ARHGAP6: variants seen among roughly 807,000 people sequenced by gnomAD.
The protein encoded by ARHGAP6 is rho GTPase-activating protein 6.
Under a neutral mutation model 55.7 loss-of-function variants are expected in ARHGAP6, and 16 were observed. That is an observed-to-expected ratio of 0.29 (90% CI 0.19 to 0.44). ARHGAP6 has a LOEUF of 0.44. Among genes scored for constraint, ARHGAP6 ranks in the 20% least tolerant of loss-of-function variants. The probability of loss-of-function intolerance (pLI) is 1.00; values close to 1 mark genes in which losing one functional copy is unlikely to be tolerated. For synonymous variants in ARHGAP6, 382 were observed against 360.9 expected (o/e 1.06, Z -0.66); for missense variants, 698 against 808.9 (o/e 0.86, Z 1.66).
intron 1 of ARHGAP6, among the ~76,000 whole-genome samples, chrX:11,442,987 T>C (rs2050055203): frequency 8.9e-6 from 1 of 111,938 alleles, no homozygotes; most frequent in African/African-American, 3.3e-5. Context: ...TGAAATACAA[T>C]ATATAAGCAG....
intron 1 of ARHGAP6, among the ~76,000 whole-genome samples, chrX:11,599,373 T>C (rs183536996): frequency 4.6e-4 from 52 of 112,031 alleles, no homozygotes; most frequent in African/African-American, 1.6e-3. Flanking sequence ...AATGTGATGT[T>C]TTAGTGCATG....
At chrX:11,434,913 C>A (rs2049973156) in intron 1 of ARHGAP6, among the ~76,000 whole-genome samples, 1 of 112,068 alleles carries the variant, frequency 8.9e-6, no homozygotes, top group Non-Finnish European at 1.9e-5. Context: ...GCAGGGCCTT[C>A]TTTGCCTTGC....
chrX:11,372,280 A>G (rs2049151472), intron 1 of ARHGAP6, among the ~76,000 whole-genome samples: 2 of 112,297 alleles, frequency 1.8e-5, no homozygotes, highest in Non-Finnish European at 3.8e-5. Flanking sequence ...CTATATGTTT[A>G]TATATTAACT....
At chrX:11,231,381 G>A (rs2047129414) in intron 2 of ARHGAP6, among the ~76,000 whole-genome samples, 1 of 112,288 alleles carries the variant, frequency 8.9e-6, no homozygotes, top group Admixed American at 9.4e-5. Flanking sequence ...GAGCAGTGAT[G>A]TACTGAACAA....
intron 1 of ARHGAP6, among the ~76,000 whole-genome samples, chrX:11,642,107 C>T (rs957265161): frequency 1.8e-5 from 2 of 111,736 alleles, no homozygotes; most frequent in Non-Finnish European, 3.8e-5. Flanking sequence ...ATATGCAATA[C>T]ATCATATATT....
At chrX:11,609,469 G>A (rs1381058497) in intron 1 of ARHGAP6, among the ~76,000 whole-genome samples, 1 of 111,258 alleles carries the variant, frequency 9.0e-6, no homozygotes, top group Non-Finnish European at 1.9e-5. Flanking sequence ...ATTCTCTGAG[G>A]CATTAACCCC....
At chrX:11,592,954 C>A (rs774424100) in intron 1 of ARHGAP6, among the ~76,000 whole-genome samples, 1 of 111,461 alleles carries the variant, frequency 9.0e-6, no homozygotes, top group Non-Finnish European at 1.9e-5. Context: ...TCTAGACAGA[C>A]CCCAGAAGTA....
chrX:11,299,728 A>G (rs184311581), intron 1 of ARHGAP6, among the ~76,000 whole-genome samples: 92 of 111,842 alleles, frequency 8.2e-4, no homozygotes, highest in Non-Finnish European at 1.4e-3. Context: ...CTGTAATTCC[A>G]ATTTATACAT....
chrX:11,545,205 G>A (rs748200313), intron 1 of ARHGAP6, among the ~76,000 whole-genome samples: 29 of 112,286 alleles, frequency 2.6e-4, no homozygotes, highest in African/African-American at 3.2e-4. Context: ...ATTCTATTAT[G>A]TAATTCTCCA....
chrX:11,616,894 A>T (rs2052172272), intron 1 of ARHGAP6, among the ~76,000 whole-genome samples: 1 of 111,870 alleles, frequency 8.9e-6, no homozygotes, highest in Non-Finnish European at 1.9e-5. Flanking sequence ...CCTGGTCTAG[A>T]ATGTCAATAC....
chrX:11,213,302 T>G (rs942824553), intron 2 of ARHGAP6, among the ~76,000 whole-genome samples: 1 of 112,863 alleles, frequency 8.9e-6, no homozygotes, highest in Non-Finnish European at 1.9e-5. Flanking sequence ...GATTGTGCTT[T>G]TATGTTTTAT....
intron 10 of ARHGAP6, among the ~76,000 whole-genome samples, chrX:11,152,476 C>T (rs192749107): frequency 2.3e-3 from 255 of 111,808 alleles, no homozygotes; most frequent in Non-Finnish European, 3.8e-3. Context: ...GGGCTTCTAC[C>T]TTCACTGCTG....
At chrX:11,243,444 C>T (rs2047311204) in intron 2 of ARHGAP6, among the ~76,000 whole-genome samples, 1 of 112,176 alleles carries the variant, frequency 8.9e-6, no homozygotes, top group African/African-American at 3.2e-5. Context: ...TTGCTAACTT[C>T]TCAGTCATCA....
chrX:11,536,766 T>C (rs1393451297), intron 1 of ARHGAP6, among the ~76,000 whole-genome samples: 2 of 112,617 alleles, frequency 1.8e-5, no homozygotes, highest in African/African-American at 3.2e-5. Context: ...TATTTTTGTA[T>C]TGTCTCTGAT....
chrX:11,467,992 G>GAATAAATAAATA (rs1199877737), intron 1 of ARHGAP6, among the ~76,000 whole-genome samples: 6 of 39,697 alleles, frequency 1.5e-4, no homozygotes, highest in Non-Finnish European at 2.0e-4. Flanking sequence ...ATGAATGAAT[G>GAATAAATAAATA]AATAAATAAA....
intron 1 of ARHGAP6, among the ~76,000 whole-genome samples, chrX:11,386,710 C>T (rs1008033430): frequency 7.2e-5 from 8 of 111,786 alleles, no homozygotes; most frequent in Admixed American, 5.7e-4. Flanking sequence ...TGAAACACAC[C>T]TAATTCACAA....
rs925149918 is a variant in ARHGAP6 at position 11,523,398 on chromosome X, G to C, written c.588+140843C>G. The stretch of plus-strand genomic sequence containing the variant: ...AGTTCTGGCCAGGGCAATCAGGCAG[G>C]AGAAAGAAATAAAGGGTATTCAATT... On this transcript the variant is annotated intron_variant, in intron 1 of 12. Transcript: ENST00000337414. Among the ~76,000 whole-genome samples the C allele has an allele frequency of 6.6e-4, 73 of 110,763 alleles. 1 individual carries two copies. Among genetic ancestry groups the C allele is most frequent in the Non-Finnish European group, 1.3e-3 (68 of 52,989 alleles).
rs184678175 is a variant in ARHGAP6, at chrX:11,236,361, T to G, written c.748+18187A>C. On this transcript the variant is annotated intron_variant, in intron 2 of 12. Transcript: ENST00000337414. ...CATGATTCAATTACCTCCCACTGGG[T>G]CCCTCCCACCACACATGGGTATTAT... is the stretch of plus-strand genomic sequence containing the variant. 4.2e-3 allele frequency among the ~76,000 whole-genome samples: 467 copies of G among 111,466 alleles called. 2 individuals are homozygous for G. Among genetic ancestry groups the G allele is most frequent in the Non-Finnish European group, 6.9e-3 (364 of 53,034 alleles).
At chrX:11,633,530 C>T (rs2052383218) in intron 1 of ARHGAP6, among the ~76,000 whole-genome samples, 1 of 112,045 alleles carries the variant, frequency 8.9e-6, no homozygotes, top group Admixed American at 9.5e-5. Context: ...AATTCACTGA[C>T]ATTCCATCAC....
Sources: gnomAD v4.1 joint callset for allele counts (sites outside exome capture counted in the v4.1 genomes callset) on GRCh38, gnomAD v4.1.1 for gene constraint, MANE v1.5 for transcripts, NCBI Gene and HGNC (gene_info 2026-07-23, HGNC 2026-07-21) for gene names.